ARHGAP10: variants seen among roughly 807,000 people sequenced by gnomAD.
ARHGAP10 encodes rho GTPase-activating protein 10.
A neutral mutation model predicts 108.6 loss-of-function variants in ARHGAP10; 87 were observed. That is an observed-to-expected ratio of 0.80 (90% CI 0.67 to 0.96). The LOEUF (loss-of-function observed/expected upper bound fraction) is 0.96, where lower values mean the gene tolerates loss of function less well. ARHGAP10 is among the 40% of genes least tolerant of loss of function. The pLI is 0.00. For synonymous variants in ARHGAP10, 347 were observed against 341.1 expected, an observed-to-expected ratio of 1.02 and a Z score of -0.19; for missense variants, 939 against 954.5, an observed-to-expected ratio of 0.98 and a Z score of 0.21.
intron 8 of ARHGAP10, 100 bp downstream of exon 8, chr4:147,875,250 TC>T (rs565059906): frequency 3.1e-6 from 4 of 1,291,964 alleles, no homozygotes; most frequent in Non-Finnish European, 4.1e-6. Flanking sequence ...GGGCAATTAT[TC>T]CTACCTCTTT....
chr4:147,922,600 A>G (rs983826847), intron 13 of ARHGAP10, among the ~76,000 whole-genome samples: 3 of 148,646 alleles, frequency 2.0e-5, no homozygotes, highest in Non-Finnish European at 4.5e-5. Context: ...AGGCAGGAGA[A>G]TGGCGTGAAC....
chr4:148,062,238 A>G (rs1248050566), intron 20 of ARHGAP10, among the ~76,000 whole-genome samples: 1 of 152,194 alleles, frequency 6.6e-6, no homozygotes, highest in Non-Finnish European at 1.5e-5. Flanking sequence ...CTGGTACTGA[A>G]GAACACGGTG....
chr4:148,018,607 C>A (rs937721110), intron 18 of ARHGAP10, among the ~76,000 whole-genome samples: 1 of 150,612 alleles, frequency 6.6e-6, no homozygotes, highest in African/African-American at 2.4e-5. Context: ...ACTGGGGGCA[C>A]TGGAAGACAA....
At chr4:147,965,174 G>A (rs755391259) in intron 17 of ARHGAP10, 45 bp downstream of exon 17, 11 of 1,489,264 alleles carry the variant, frequency 7.4e-6, no homozygotes, top group Non-Finnish European at 1.0e-5. Context: ...CTTTGCTCTA[G>A]GTGCTGGGTA....
chr4:148,024,901 A>G (rs1053854946), intron 19 of ARHGAP10, among the ~76,000 whole-genome samples: 1 of 152,252 alleles, frequency 6.6e-6, no homozygotes, highest in Non-Finnish European at 1.5e-5. Context: ...AAAGAAATCA[A>G]GAAGACACAG....
At chr4:147,876,849 A>C (rs1032813048) in intron 8 of ARHGAP10, among the ~76,000 whole-genome samples, 3 of 152,178 alleles carry the variant, frequency 2.0e-5, no homozygotes, top group Admixed American at 2.0e-4. Flanking sequence ...AGCCCTATGA[A>C]GTATAAGGTA....
intron 18 of ARHGAP10, among the ~76,000 whole-genome samples, chr4:147,997,506 G>A (rs1292306583): frequency 2.0e-5 from 3 of 152,154 alleles, no homozygotes; most frequent in South Asian, 4.1e-4. Context: ...AAAAATGATC[G>A]TTGATGAAGC....
At chr4:147,758,138 C>T (rs780529089) in intron 1 of ARHGAP10, among the ~76,000 whole-genome samples, 2 of 152,104 alleles carry the variant, frequency 1.3e-5, no homozygotes, top group Admixed American at 6.6e-5. Context: ...TAGCACATGC[C>T]TATAATCCTA....
intron 16 of ARHGAP10, among the ~76,000 whole-genome samples, chr4:147,961,816 C>T (rs941872903): frequency 2.3e-4 from 35 of 152,240 alleles, no homozygotes; most frequent in African/African-American, 8.2e-4. Context: ...CTGGCTGTGC[C>T]CAGCCTTTGC....
Position 147,955,390 on chromosome 4 carries a change from A to G in ARHGAP10, c.1450+16A>G. The G allele has an allele frequency of 6.2e-7, 1 of 1,601,574 alleles. No individual in the cohort carries two copies. Among genetic ancestry groups the G allele is most frequent in the Non-Finnish European group, 8.5e-7 (1 of 1,171,406 alleles). On this transcript the variant is annotated intron_variant, in intron 16 of 22. Transcript: ENST00000336498. ...GTTCCAGCCAGTAAGTATTATGTAAAGGTATATAGGAACAGTTTTGTAGTT... is the reference window on the plus strand; with the variant it reads ...GTTCCAGCCAGTAAGTATTATGTAAGGGTATATAGGAACAGTTTTGTAGTT...
At chr4:147,823,055 C>T (rs1732570746) in intron 3 of ARHGAP10, 98 bp downstream of exon 3, 1 of 1,243,108 alleles carries the variant, frequency 8.0e-7, no homozygotes, top group African/African-American at 1.5e-5. Flanking sequence ...AAGCATTTAT[C>T]CCTGGGTACA....
intron 18 of ARHGAP10, among the ~76,000 whole-genome samples, chr4:148,003,233 G>C (rs868516724): frequency 3.3e-5 from 5 of 152,186 alleles, no homozygotes; most frequent in Admixed American, 1.3e-4. Flanking sequence ...TTTTGAGTGA[G>C]TTTCTTAATC....
intron 18 of ARHGAP10, among the ~76,000 whole-genome samples, chr4:147,988,736 G>C (rs1048894684): frequency 2.6e-5 from 4 of 152,176 alleles, no homozygotes; most frequent in Non-Finnish European, 5.9e-5. Flanking sequence ...TGGCCTTTTA[G>C]TGTTGACTTT....
intron 1 of ARHGAP10, among the ~76,000 whole-genome samples, chr4:147,806,448 T>C (rs752510515): frequency 1.1e-4 from 16 of 151,280 alleles, no homozygotes; most frequent in Non-Finnish European, 2.4e-4. Context: ...AATCTGGCAT[T>C]ATATAGTACC....
rs544350469 is a variant in ARHGAP10, at chr4:147,855,431, C to T, written c.385-2122C>T. Among the ~76,000 whole-genome samples, 4 of 152,214 alleles carry T rather than the reference C, an allele frequency of 2.6e-5. No individual in the cohort carries two copies. The South Asian group carries it at 8.3e-4, about 32-fold the overall frequency. ...AGAGAGTAACTATGTAATATCAATA[C>T]ATTGGACTTAGTTGTAAATTAAAAA... On this transcript the variant is annotated intron_variant, in intron 4 of 22. Transcript: ENST00000336498.
chr4:147,819,510 C>CT (rs1042304397), intron 1 of ARHGAP10, among the ~76,000 whole-genome samples: 1 of 151,452 alleles, frequency 6.6e-6, no homozygotes, highest in South Asian at 2.1e-4. Context: ...CCTATTATAT[C>CT]TTTTTTTATT....
chr4:148,037,484 C>T (rs959713865), intron 19 of ARHGAP10, among the ~76,000 whole-genome samples: 3 of 152,060 alleles, frequency 2.0e-5, no homozygotes, highest in Admixed American at 6.5e-5. Flanking sequence ...CCTGTATGTA[C>T]CACATTTGAG....
chr4:147,888,521 C>A (rs1051380071), intron 10 of ARHGAP10, among the ~76,000 whole-genome samples: 1 of 152,022 alleles, frequency 6.6e-6, no homozygotes, highest in Non-Finnish European at 1.5e-5. Context: ...TTTATTTTTT[C>A]TTAAAAGTCA....
intron 3 of ARHGAP10, among the ~76,000 whole-genome samples, chr4:147,840,851 C>G (rs954578316): frequency 1.3e-5 from 2 of 152,166 alleles, no homozygotes; most frequent in Admixed American, 1.3e-4. Context: ...TCCTTCCCAA[C>G]TTCTGATTGG....
Sources: gnomAD v4.1 joint callset for allele counts (sites outside exome capture counted in the v4.1 genomes callset) on GRCh38, gnomAD v4.1.1 for gene constraint, MANE v1.5 for transcripts, NCBI Gene and HGNC (gene_info 2026-07-23, HGNC 2026-07-21) for gene names.